GTF2I: variants seen among roughly 807,000 people sequenced by gnomAD.
GTF2I encodes general transcription factor II-I.
GTF2I carries 12 observed loss-of-function variants against 67.6 expected under a neutral mutation model. The ratio of observed to expected loss-of-function variants is 0.18; its 90% confidence interval spans 0.11 to 0.29. The LOEUF is 0.29. GTF2I is among the 10% of genes least tolerant of loss of function. The pLI is 1.00. For missense variants in GTF2I, 271 were observed against 580.1 expected, an observed-to-expected ratio of 0.47 and a Z score of 5.47; for synonymous variants, 149 against 197.0, an observed-to-expected ratio of 0.76 and a Z score of 2.04.
At chr7:74,712,293 G>T (rs1791652361) in intron 9 of GTF2I, among the ~76,000 whole-genome samples, 1 of 151,978 alleles carries the variant, frequency 6.6e-6, no homozygotes, top group Non-Finnish European at 1.5e-5. Context: ...GTCTGCCCAG[G>T]TTTAGTGAAC....
chr7:74,700,031 A>G, intron 4 of GTF2I: 1 of 502,730 alleles, frequency 2.0e-6, no homozygotes, highest in Non-Finnish European at 3.5e-6. Flanking sequence ...TTAAAGTAAA[A>G]TATTTTATCT....
intron 3 of GTF2I, among the ~76,000 whole-genome samples, chr7:74,695,083 G>A (rs1226982212): frequency 6.6e-6 from 1 of 152,156 alleles, no homozygotes; most frequent in Non-Finnish European, 1.5e-5. Flanking sequence ...CACTCACAGA[G>A]TCCTGATGGA....
intron 3 of GTF2I, among the ~76,000 whole-genome samples, chr7:74,692,888 G>A (rs587645047): frequency 6.6e-6 from 1 of 151,920 alleles, no homozygotes; most frequent in East Asian, 2.0e-4. Flanking sequence ...TCAGCCTCCC[G>A]AGTAGCTGGG....
intron 11 of GTF2I, among the ~76,000 whole-genome samples, chr7:74,717,599 G>A (rs1484725984): frequency 4.6e-5 from 7 of 152,146 alleles, no homozygotes; most frequent in African/African-American, 1.7e-4. Flanking sequence ...CAAGGAAAAT[G>A]ACTGGTAAGG....
chr7:74,698,918 CCTT>C (rs1789347011), intron 3 of GTF2I, 40 bp from the exon 4 acceptor site: 1 of 1,020,760 alleles, frequency 9.8e-7, no homozygotes, highest in South Asian at 2.7e-5. Flanking sequence ...TGGATATGGA[CCTT>C]ATTATTATTT....
chr7:74,689,059 C>A, intron 1 of GTF2I, 65 bp from the exon 2 acceptor site: 1 of 925,248 alleles, frequency 1.1e-6, no homozygotes, highest in Non-Finnish European at 1.8e-6. Flanking sequence ...GCCCTCACAG[C>A]TTTGGCTGTG....
chr7:74,723,900 C>T lies in GTF2I; in HGVS notation c.944-4886C>T, dbSNP rs184441718. 1.5e-3 allele frequency among the ~76,000 whole-genome samples: 222 copies of T among 149,796 alleles called. 3 individuals carry two copies. Among genetic ancestry groups the T allele is most frequent in the Admixed American group, 0.012 (182 of 15,068 alleles). The stretch of plus-strand genomic sequence containing the variant: ...CCTAGAGCAGTCAATAGTTTTTTGA[C>T]AGAAAACTAGCTTGGGAGCCTCTTG... On this transcript the variant is annotated intron_variant, in intron 12 of 34. Transcript: ENST00000573035.
intron 1 of GTF2I, among the ~76,000 whole-genome samples, chr7:74,670,526 G>A (rs893770485): frequency 1.3e-5 from 2 of 151,836 alleles, no homozygotes; most frequent in Non-Finnish European, 1.5e-5. Flanking sequence ...GTAAAACCCC[G>A]TCTCTACTAA....
chr7:74,695,548 C>G (rs1200384937), intron 3 of GTF2I, among the ~76,000 whole-genome samples: 1 of 152,118 alleles, frequency 6.6e-6, no homozygotes, highest in Non-Finnish European at 1.5e-5. Context: ...ATTGGTGATA[C>G]ATTCAGCAAC....
chr7:74,668,605 ACT>A (rs2131205962), intron 1 of GTF2I, among the ~76,000 whole-genome samples: 1 of 151,482 alleles, frequency 6.6e-6, no homozygotes, highest in African/African-American at 2.4e-5. Flanking sequence ...ATGGAGTCTC[ACT>A]CTGTCACCCA....
intron 1 of GTF2I, among the ~76,000 whole-genome samples, chr7:74,687,282 C>T (rs917178257): frequency 1.3e-5 from 2 of 151,608 alleles, no homozygotes; most frequent in African/African-American, 4.8e-5. Context: ...TGGAGTGCAG[C>T]AGCGCAATCT....
chr7:74,678,258 A>G (rs1786874279), intron 1 of GTF2I, among the ~76,000 whole-genome samples: 1 of 149,288 alleles, frequency 6.7e-6, no homozygotes, highest in Non-Finnish European at 1.5e-5. Context: ...CTGTTGAATA[A>G]TTACAGAATT....
intron 6 of GTF2I, among the ~76,000 whole-genome samples, chr7:74,703,751 G>C (rs1444892791): frequency 6.6e-6 from 1 of 152,162 alleles, no homozygotes; most frequent in Non-Finnish European, 1.5e-5. Context: ...TATGACTTCT[G>C]TGTTTTCTTC....
At chr7:74,658,726 G>C (rs1443528866) in intron 1 of GTF2I, among the ~76,000 whole-genome samples, 2 of 151,332 alleles carry the variant, frequency 1.3e-5, no homozygotes, top group African/African-American at 2.4e-5. Context: ...GCTTTGTCCC[G>C]GGCCGGCCCG....
At chr7:74,690,251 T>C (rs1161724500) in intron 2 of GTF2I, among the ~76,000 whole-genome samples, 5 of 152,086 alleles carry the variant, frequency 3.3e-5, no homozygotes, top group African/African-American at 1.2e-4. Flanking sequence ...AAATATTTTG[T>C]TCCCAGGTTG....
At chr7:74,701,968 C>G (rs1423235758) in intron 6 of GTF2I, among the ~76,000 whole-genome samples, 1 of 152,176 alleles carries the variant, frequency 6.6e-6, no homozygotes, top group Non-Finnish European at 1.5e-5. Context: ...GCATCACTCA[C>G]TCGAGGCTCA....
At chr7:74,716,724 A>G in intron 10 of GTF2I, 170 bp from the exon 11 acceptor site, 1 of 526,428 alleles carries the variant, frequency 1.9e-6, no homozygotes, top group Non-Finnish European at 3.4e-6. Flanking sequence ...GAAGCGTTGT[A>G]TTCTTTTCTG....
In GTF2I at chr7:74,709,325, C is replaced by T. The variant is rs587763314; in HGVS notation, c.686-1707C>T. Among the ~76,000 whole-genome samples, 28 of 152,220 alleles carry T rather than the reference C, an allele frequency of 1.8e-4. No homozygotes were observed. The South Asian group carries it at 2.1e-3, about 11-fold the overall frequency. Reference sequence around the variant, plus strand: ...GTGCAGTCGTGCGATCTCGGCTCACCACAACCTCCGTGTCTCAGATTCAAG... The same window carrying T: ...GTGCAGTCGTGCGATCTCGGCTCACTACAACCTCCGTGTCTCAGATTCAAG... On this transcript the variant is annotated intron_variant, in intron 8 of 34. Transcript: ENST00000573035.
Position 74,714,881 on chromosome 7 carries a change from T to C in GTF2I, c.788T>C (p.Val263Ala), listed in dbSNP as rs782167572. Residue 263 changes from valine to alanine, a missense_variant, in exon 10 of 35, where the codon GTT becomes GCT. Coordinates refer to ENST00000573035, the MANE Select transcript of GTF2I (RefSeq NM_032999.4). ...GCAGGCCCTTCTGAAACTGATGATGTTGATGAAAAACAGCCCCTATCGAAG... is the reference window on the plus strand; with the variant it reads ...GCAGGCCCTTCTGAAACTGATGATGCTGATGAAAAACAGCCCCTATCGAAG... ...IQAGPSETDD[V>A]DEKQPLSKPL... 4 of 1,608,206 alleles carry C rather than the reference T, an allele frequency of 2.5e-6. No individual in the cohort carries two copies. Among genetic ancestry groups the C allele is most frequent in the Admixed American group, 1.7e-5 (1 of 59,552 alleles).
Sources: gnomAD v4.1 joint callset for allele counts (sites outside exome capture counted in the v4.1 genomes callset) on GRCh38, gnomAD v4.1.1 for gene constraint, MANE v1.5 for transcripts, NCBI Gene and HGNC (gene_info 2026-07-23, HGNC 2026-07-21) for gene names.